VKORC1L1: variants seen among roughly 807,000 people sequenced by gnomAD.
VKORC1L1 encodes the protein vitamin K epoxide reductase complex subunit 1-like protein 1.
In VKORC1L1, 2 loss-of-function variants were observed where a neutral mutation model predicts 18.9. That is an observed-to-expected ratio of 0.11 (90% confidence interval 0.04 to 0.33). The LOEUF (loss-of-function observed/expected upper bound fraction) is 0.33, where lower values mean the gene tolerates loss of function less well. Ranked by LOEUF, VKORC1L1 falls within the 10% of genes least tolerant of loss-of-function variation. The pLI, the probability that VKORC1L1 is intolerant of heterozygous loss-of-function variation, is 1.00. For synonymous variants in VKORC1L1, 96 were observed against 100.0 expected (o/e 0.96, Z 0.24); for missense variants, 123 against 224.1 (o/e 0.55, Z 2.88).
chr7:65,927,100 A>G (rs2115646945), intron 1 of VKORC1L1, among the ~76,000 whole-genome samples: 1 of 152,264 alleles, frequency 6.6e-6, no homozygotes, highest in East Asian at 1.9e-4. Flanking sequence ...CAGCCTGGCC[A>G]ACATGGTGAA....
chr7:65,877,831 G>A (rs1272804337), intron 1 of VKORC1L1, among the ~76,000 whole-genome samples: 2 of 152,120 alleles, frequency 1.3e-5, no homozygotes, highest in Non-Finnish European at 2.9e-5. Context: ...ATACCATAGG[G>A]GATTGGTTTC....
At chr7:65,880,447 G>A (rs1484119866) in intron 1 of VKORC1L1, among the ~76,000 whole-genome samples, 2 of 152,090 alleles carry the variant, frequency 1.3e-5, no homozygotes, top group Admixed American at 6.6e-5. Flanking sequence ...GTAGTGAGCT[G>A]TCCGGAAGAC....
At chr7:65,867,352 G>C in the VKORC1L1 span, among the ~76,000 whole-genome samples, 1 of 152,160 alleles carries the variant, frequency 6.6e-6, no homozygotes, top group Admixed American at 6.6e-5. Context: ...GAGAGACTAG[G>C]TTTGGTGAGT....
At chr7:65,873,685 A>G (rs1788772247) in intron 1 of VKORC1L1, 120 bp downstream of exon 1, 2 of 508,506 alleles carry the variant, frequency 3.9e-6, no homozygotes, top group East Asian at 1.1e-4. Context: ...CCGCTGGGGA[A>G]CTGACGGGGT....
At chr7:65,904,060 T>A (rs940712459) in intron 1 of VKORC1L1, among the ~76,000 whole-genome samples, 1 of 152,130 alleles carries the variant, frequency 6.6e-6, no homozygotes, top group Non-Finnish European at 1.5e-5. Flanking sequence ...TTGCACAACA[T>A]TGTGAATTAA....
intron 1 of VKORC1L1, among the ~76,000 whole-genome samples, chr7:65,942,560 T>C (rs1168337189): frequency 6.6e-6 from 1 of 151,482 alleles, no homozygotes; most frequent in Non-Finnish European, 1.5e-5. Context: ...TTAATCGAGA[T>C]GGAGTCGTGC....
chr7:65,918,456 G>A (rs1045697445), intron 1 of VKORC1L1, among the ~76,000 whole-genome samples: 16 of 152,218 alleles, frequency 1.1e-4, no homozygotes, highest in African/African-American at 3.4e-4. Flanking sequence ...CACTGCAAGC[G>A]CTTTTACATA....
intron 1 of VKORC1L1, among the ~76,000 whole-genome samples, chr7:65,900,331 C>G (rs1050714637): frequency 4.6e-5 from 7 of 150,578 alleles, no homozygotes; most frequent in Non-Finnish European, 8.9e-5. Flanking sequence ...GGAGGCGGAG[C>G]TTGCAGTGAG....
intron 1 of VKORC1L1, among the ~76,000 whole-genome samples, chr7:65,895,481 ATATATATATAT>A (rs1246866878): frequency 0.019 from 444 of 23,578 alleles, 7 homozygotes; most frequent in East Asian, 0.043. Context: ...AAAAAAAAAA[ATATATATATAT>A]ATATATATAT....
Position 65,908,300 on chromosome 7 carries a change from G to A in VKORC1L1, c.194+34735G>A, listed in dbSNP as rs147524656. On this transcript the variant is annotated intron_variant, in intron 1 of 2. Transcript: ENST00000360768. The stretch of plus-strand genomic sequence containing the variant: ...ATGGTGGCGCATGCCTGTAATCCCA[G>A]CTACTTGGGAGCTGAGGCAGGAGAA... 1.3e-4 allele frequency among the ~76,000 whole-genome samples: 20 copies of A among 152,248 alleles called. No individual in the cohort carries two copies. The East Asian group carries it at 3.7e-3, about 28-fold the overall frequency.
chr7:65,940,952 GA>G (rs1790022941), intron 1 of VKORC1L1, among the ~76,000 whole-genome samples: 2 of 152,130 alleles, frequency 1.3e-5, no homozygotes, highest in Non-Finnish European at 2.9e-5. Context: ...AAGTAAAATA[GA>G]ATGAGAGTGG....
At position 65,957,964 on chromosome 7, in the gene VKORC1L1, G is replaced by C. The variant is rs1208860568; in HGVS notation, c.*3664G>C. On this transcript the variant is annotated 3_prime_UTR_variant, in exon 3 of 3. Coordinates refer to ENST00000360768, the MANE Select transcript of VKORC1L1 (RefSeq NM_173517.6). ...CTTAGATTGGTACCAAGAGTGACAG[G>C]AGATCTTGTCTTGGAAGATCATTAT... The C allele has an allele frequency of 6.6e-6, 1 of 152,184 alleles. No individual in the cohort carries two copies. The highest frequency in any genetic ancestry group is 1.5e-5 in the Non-Finnish European group (1 of 68,030). The allele number at this position is 152,184 out of a possible 1,614,324, so 9.4% of individuals were successfully genotyped here. A position where few individuals can be genotyped will look rare whatever the true frequency, so the allele number is the denominator to read the frequency against.
chr7:65,931,864 A>T (rs577601098), intron 1 of VKORC1L1, among the ~76,000 whole-genome samples: 1 of 150,940 alleles, frequency 6.6e-6, no homozygotes, highest in Non-Finnish European at 1.5e-5. Context: ...CTGGTCTCAA[A>T]CTCCTGACCT....
chr7:65,890,467 C>A (rs1361685526), intron 1 of VKORC1L1, among the ~76,000 whole-genome samples: 2 of 152,038 alleles, frequency 1.3e-5, no homozygotes, highest in Non-Finnish European at 2.9e-5. Context: ...TGGCATTTCA[C>A]CATGTTGGCC....
At chr7:65,883,399 C>A (rs926654756) in intron 1 of VKORC1L1, among the ~76,000 whole-genome samples, 1 of 151,884 alleles carries the variant, frequency 6.6e-6, no homozygotes, top group African/African-American at 2.4e-5. Context: ...GATCCACCCC[C>A]ACTTGGCCTC....
chr7:65,950,230 T>G (rs950182627), intron 2 of VKORC1L1, among the ~76,000 whole-genome samples: 1 of 152,218 alleles, frequency 6.6e-6, no homozygotes, highest in Non-Finnish European at 1.5e-5. Flanking sequence ...CCGATACTAG[T>G]ACATTTTTAT....
At chr7:65,905,304 T>TTTTTTTTA (rs1044325097) in intron 1 of VKORC1L1, among the ~76,000 whole-genome samples, 1 of 151,914 alleles carries the variant, frequency 6.6e-6, no homozygotes, top group Non-Finnish European at 1.5e-5. Context: ...GGCGTGGTTA[T>TTTTTTTTA]TTTTTTTATT....
intron 1 of VKORC1L1, among the ~76,000 whole-genome samples, chr7:65,889,674 A>T (rs929233981): frequency 6.6e-6 from 1 of 152,218 alleles, no homozygotes; most frequent in African/African-American, 2.4e-5. Flanking sequence ...CCCCTAGTCA[A>T]CTATATGCGT....
intron 1 of VKORC1L1, among the ~76,000 whole-genome samples, chr7:65,888,656 G>T (rs1562983987): frequency 6.6e-6 from 1 of 152,072 alleles, no homozygotes; most frequent in Non-Finnish European, 1.5e-5. Flanking sequence ...GGGGGGAGTT[G>T]ACAACCTTCT....
Sources: gnomAD v4.1 joint callset for allele counts (sites outside exome capture counted in the v4.1 genomes callset) on GRCh38, gnomAD v4.1.1 for gene constraint, MANE v1.5 for transcripts, NCBI Gene and HGNC (gene_info 2026-07-23, HGNC 2026-07-21) for gene names.